The following PUDP variants were observed in gnomAD, a reference collection of about 807,000 sequenced individuals.
PUDP encodes the protein pseudouridine 5'-phosphatase.
In PUDP, 8 loss-of-function variants were observed where a neutral mutation model predicts 9.4. The observed-to-expected ratio is 0.85, with a 90% CI of 0.50 to 1.53. The LOEUF (loss-of-function observed/expected upper bound fraction) is 1.53, where lower values mean the gene tolerates loss of function less well. PUDP is among the 40% of genes most tolerant of loss of function. PUDP has a pLI of 0.00. For synonymous variants in PUDP, 99 were observed against 80.7 expected (o/e 1.23, Z -1.22); for missense variants, 188 against 189.7 (o/e 0.99, Z 0.05).
chrX:6,856,538 A>G (rs1349219326), intron 3 of PUDP, among the ~76,000 whole-genome samples: 14 of 111,952 alleles, frequency 1.3e-4, no homozygotes, highest in Non-Finnish European at 2.6e-4. Context: ...ACCTCGGCAC[A>G]CAGTCCTCTC....
chrX:6,977,437 G>C (rs1393276864), intron 2 of PUDP, among the ~76,000 whole-genome samples: 1 of 112,158 alleles, frequency 8.9e-6, no homozygotes, highest in Non-Finnish European at 1.9e-5. Context: ...GACCATTTCT[G>C]TGTTGACATG....
At chrX:6,708,542 G>A (rs988002264) in intron 1 of PUDP, among the ~76,000 whole-genome samples, 1 of 112,259 alleles carries the variant, frequency 8.9e-6, no homozygotes, top group Non-Finnish European at 1.9e-5. Context: ...TAGCCTGTAT[G>A]CTAATACCGC....
At chrX:6,847,317 T>C (rs752715491) in intron 3 of PUDP, among the ~76,000 whole-genome samples, 1 of 93,911 alleles carries the variant, frequency 1.1e-5, no homozygotes, top group Non-Finnish European at 2.1e-5. Context: ...GTACTGCCAG[T>C]ACCCACCCCC....
chrX:7,139,991 A>C (rs1442088443), intron 1 of PUDP, among the ~76,000 whole-genome samples: 2 of 112,249 alleles, frequency 1.8e-5, no homozygotes, highest in South Asian at 7.4e-4. Flanking sequence ...ACAGAGGATA[A>C]AGGAGGATCA....
At chrX:6,810,983 A>G (rs944081313) in intron 3 of PUDP, among the ~76,000 whole-genome samples, 1 of 111,451 alleles carries the variant, frequency 9.0e-6, no homozygotes, top group African/African-American at 3.3e-5. Context: ...ATGCCTTGCT[A>G]GGGAGGTGGA....
At chrX:7,008,122 C>G (rs778299447) in intron 1 of PUDP, among the ~76,000 whole-genome samples, 1 of 109,312 alleles carries the variant, frequency 9.1e-6, no homozygotes, top group Non-Finnish European at 1.9e-5. Flanking sequence ...CACCACCACG[C>G]GCAGCTAATT....
intron 1 of PUDP, among the ~76,000 whole-genome samples, chrX:7,139,292 T>C (rs1406135149): frequency 1.8e-5 from 2 of 112,104 alleles, no homozygotes; most frequent in Non-Finnish European, 3.8e-5. Flanking sequence ...CCACTCTATA[T>C]TTTGTGTCTC....
intron 3 of PUDP, among the ~76,000 whole-genome samples, chrX:6,750,642 T>G (rs758901572): frequency 9.0e-6 from 1 of 111,387 alleles, no homozygotes; most frequent in African/African-American, 3.3e-5. Context: ...AGAAACAGTT[T>G]CAGTAAAAAT....
rs376329723 is a variant in PUDP at position 7,138,732 on chromosome X, G to A, written c.61+9321C>T. On this transcript the variant is annotated intron_variant, in intron 1 of 3. Transcript: ENST00000381077. ...TTCTAATCTCTACCTGCCAGACATT[G>A]CTCAAAAGAGATGTGAAGAGGAGCT... Among the ~76,000 whole-genome samples the A allele has an allele frequency of 2.7e-5, 3 of 111,728 alleles. No homozygotes were observed. In the South Asian group the frequency reaches 1.1e-3, roughly 42 times the overall value.
In PUDP at chrX:7,105,709, A is replaced by C. The variant is rs1335165955; in HGVS notation, c.191T>G (p.Val64Gly). The C allele has an allele frequency of 2.4e-5, 29 of 1,209,333 alleles. No individual in the cohort carries two copies. Among genetic ancestry groups the C allele is most frequent in the Non-Finnish European group, 3.2e-5 (29 of 893,966 alleles). The change falls in exon 2 of 4, where the codon GTC becomes GGC. Residue 64 changes from valine (V) to glycine (G), a missense_variant. Physicochemically the swap from Val to Gly is moderately radical, Grantham distance 109. Transcript: ENST00000381077. The part of the protein sequence containing the change: ...ALEAAQIIID[V>G]LQLPMSKEEL... ...CTCTTTGGACATCGGGAGCTGCAAG[A>C]CGTCTATTATAATCTGTGCCGCCTC...
chrX:6,942,802 G>T (rs1041312488), intron 3 of PUDP, among the ~76,000 whole-genome samples: 2 of 111,770 alleles, frequency 1.8e-5, no homozygotes, highest in African/African-American at 6.5e-5. Context: ...ACATGAAGAT[G>T]GGGGCAGATA....
intron 2 of PUDP, among the ~76,000 whole-genome samples, chrX:7,083,999 T>C (rs1469198131): frequency 3.6e-5 from 4 of 112,176 alleles, no homozygotes; most frequent in African/African-American, 6.5e-5. Flanking sequence ...CTGATTGATA[T>C]TGCTTTATTT....
At chrX:7,052,474 C>T (rs899261910) in intron 3 of PUDP, among the ~76,000 whole-genome samples, 1 of 112,098 alleles carries the variant, frequency 8.9e-6, no homozygotes, top group Non-Finnish European at 1.9e-5. Context: ...CATTCTTTGG[C>T]GTTTTCAGTA....
intron 1 of PUDP, among the ~76,000 whole-genome samples, chrX:6,714,156 T>C (rs376253959): frequency 8.9e-6 from 1 of 111,854 alleles, no homozygotes; most frequent in Non-Finnish European, 1.9e-5. Flanking sequence ...CCTCCCAAAG[T>C]GCTGGGATTA....
intron 3 of PUDP, among the ~76,000 whole-genome samples, chrX:6,775,696 G>A (rs1474911427): frequency 9.0e-6 from 1 of 110,933 alleles, no homozygotes; most frequent in Non-Finnish European, 1.9e-5. Flanking sequence ...TGATGAGGGT[G>A]GAGGTGATGA....
At chrX:6,797,628 T>A (rs1925865995) in intron 3 of PUDP, among the ~76,000 whole-genome samples, 1 of 111,487 alleles carries the variant, frequency 9.0e-6, no homozygotes, top group Non-Finnish European at 1.9e-5. Context: ...AAGTGATCCA[T>A]CTTACAAGTG....
At chrX:7,021,180 C>A (rs1433242223) in intron 1 of PUDP, among the ~76,000 whole-genome samples, 1 of 112,025 alleles carries the variant, frequency 8.9e-6, no homozygotes, top group Non-Finnish European at 1.9e-5. Context: ...TGCTCAAACA[C>A]GTGTCCTTTT....
At chrX:6,739,828 T>C (rs752955083) in intron 3 of PUDP, among the ~76,000 whole-genome samples, 2 of 112,137 alleles carry the variant, frequency 1.8e-5, no homozygotes, top group African/African-American at 6.5e-5. Context: ...CCAAGAGGGA[T>C]GGAACCTGAG....
intron 3 of PUDP, among the ~76,000 whole-genome samples, chrX:6,790,495 T>C (rs912136783): frequency 1.8e-5 from 2 of 112,513 alleles, no homozygotes; most frequent in African/African-American, 6.4e-5. Context: ...CAAAGAGCCT[T>C]ACACATAGGA....
Sources: gnomAD v4.1 joint callset for allele counts (sites outside exome capture counted in the v4.1 genomes callset) on GRCh38, gnomAD v4.1.1 for gene constraint, MANE v1.5 for transcripts, NCBI Gene and HGNC (gene_info 2026-07-23, HGNC 2026-07-21) for gene names.